NRXN1: variants seen among roughly 807,000 people sequenced by gnomAD.
NRXN1 encodes the protein neurexin 1.
NRXN1 carries 39 observed loss-of-function variants against 150.9 expected under a neutral mutation model. That is an observed-to-expected ratio of 0.26 (90% CI 0.20 to 0.34). The LOEUF is 0.34. Among genes scored for constraint, NRXN1 ranks in the 10% least tolerant of loss-of-function variants. The pLI, the probability that NRXN1 is intolerant of heterozygous loss-of-function variation, is 1.00. For synonymous variants in NRXN1, 924 were observed against 757.0 expected (o/e 1.22, Z -3.62); for missense variants, 1,815 against 1,949.9 (o/e 0.93, Z 1.30).
At chr2:50,529,224 C>T (rs114260905) in intron 11 of NRXN1, among the ~76,000 whole-genome samples, 1,834 of 152,250 alleles carry the variant, frequency 0.012, 21 homozygotes, top group Non-Finnish European at 0.019. Flanking sequence ...TGGCTGGATT[C>T]CATACCTTGC....
chr2:50,180,374 G>T (rs748251735), intron 18 of NRXN1, among the ~76,000 whole-genome samples: 2 of 152,018 alleles, frequency 1.3e-5, no homozygotes, highest in Non-Finnish European at 2.9e-5. Context: ...AATCCTTGAA[G>T]CAAAACTCTC....
chr2:50,977,172 T>C (rs976107869), intron 2 of NRXN1, among the ~76,000 whole-genome samples: 8 of 151,868 alleles, frequency 5.3e-5, no homozygotes, highest in African/African-American at 7.2e-5. Context: ...AAATACCACA[T>C]ATAAAAAGAA....
intron 17 of NRXN1, among the ~76,000 whole-genome samples, chr2:50,428,741 T>C (rs1417330378): frequency 6.6e-6 from 1 of 152,192 alleles, no homozygotes; most frequent in Non-Finnish European, 1.5e-5. Context: ...CGATAGACCT[T>C]GCTTTAGCAC....
intron 21 of NRXN1, chr2:49,974,276 G>A: frequency 1.7e-6 from 1 of 577,594 alleles, no homozygotes; most frequent in Admixed American, 2.4e-5. Context: ...CTGCAGTTCC[G>A]TCTGCAGTTG....
At chr2:50,154,271 G>A (rs1203463130) in intron 18 of NRXN1, among the ~76,000 whole-genome samples, 1 of 151,376 alleles carries the variant, frequency 6.6e-6, no homozygotes, top group Non-Finnish European at 1.5e-5. Flanking sequence ...ATACTGCTCG[G>A]GTGATGAGTG....
intron 5 of NRXN1, among the ~76,000 whole-genome samples, chr2:50,627,830 A>C (rs1347985975): frequency 6.6e-6 from 1 of 151,778 alleles, no homozygotes; most frequent in Non-Finnish European, 1.5e-5. Flanking sequence ...CAGAAGTGGG[A>C]CTAGGATTCA....
intron 13 of NRXN1, among the ~76,000 whole-genome samples, chr2:50,498,882 G>T (rs374718118): frequency 4.1e-4 from 62 of 152,232 alleles, no homozygotes; most frequent in African/African-American, 1.4e-3. Context: ...TGCCCGATTT[G>T]CCATAATTGG....
At chr2:50,287,050 G>T (rs1303984952) in intron 17 of NRXN1, among the ~76,000 whole-genome samples, 1 of 151,990 alleles carries the variant, frequency 6.6e-6, no homozygotes, top group African/African-American at 2.4e-5. Flanking sequence ...TAAACATCAT[G>T]ATCATCAATA....
chr2:51,027,072 A>G (rs1670608937), intron 2 of NRXN1, among the ~76,000 whole-genome samples: 1 of 152,196 alleles, frequency 6.6e-6, no homozygotes, highest in African/African-American at 2.4e-5. Flanking sequence ...CATCAAACAC[A>G]TGCCCAATCT....
chr2:49,946,251 A>G (rs980982642), intron 21 of NRXN1, among the ~76,000 whole-genome samples: 17 of 151,934 alleles, frequency 1.1e-4, no homozygotes, highest in Non-Finnish European at 1.8e-4. Flanking sequence ...TTTTCTTGTA[A>G]ATTTGTTTAA....
intron 18 of NRXN1, among the ~76,000 whole-genome samples, chr2:50,194,938 A>G: frequency 6.6e-6 from 1 of 152,180 alleles, no homozygotes; most frequent in African/African-American, 2.4e-5. Flanking sequence ...TGACAGAGTG[A>G]AAGGTATAAA....
chr2:50,947,109 T>C (rs983792586), intron 2 of NRXN1, among the ~76,000 whole-genome samples: 1 of 152,120 alleles, frequency 6.6e-6, no homozygotes, highest in African/African-American at 2.4e-5. Context: ...CAGAAATTTC[T>C]TACATGACAA....
intron 8 of NRXN1, among the ~76,000 whole-genome samples, chr2:50,615,192 T>C (rs7583819): frequency 0.23 from 34,287 of 152,046 alleles, 4,016 homozygotes; most frequent in Admixed American, 0.28. Flanking sequence ...CCCCTTAGCA[T>C]TTCACTCATT....
At chr2:49,930,252 G>A (rs902015676) in intron 22 of NRXN1, among the ~76,000 whole-genome samples, 11 of 151,992 alleles carry the variant, frequency 7.2e-5, no homozygotes, top group Admixed American at 1.3e-4. Flanking sequence ...AAAGATGAGC[G>A]TATTTAACCC....
intron 1 of NRXN1, among the ~76,000 whole-genome samples, chr2:51,030,457 C>G (rs1277452972): frequency 2.0e-5 from 3 of 151,784 alleles, no homozygotes. Context: ...CCACAGGTGT[C>G]AGCTGAGAGC....
chr2:50,973,730 C>A (rs902362362), intron 2 of NRXN1, among the ~76,000 whole-genome samples: 3 of 151,992 alleles, frequency 2.0e-5, no homozygotes, highest in African/African-American at 7.2e-5. Context: ...TGTATTCATT[C>A]CTAGTAGGTA....
At chr2:50,488,389 G>A (rs2091025721) in intron 15 of NRXN1, among the ~76,000 whole-genome samples, 1 of 152,182 alleles carries the variant, frequency 6.6e-6, no homozygotes, top group South Asian at 2.1e-4. Context: ...GATCAGGGGT[G>A]AAAAGCCAGG....
intron 2 of NRXN1, among the ~76,000 whole-genome samples, chr2:50,939,503 T>G (rs1256022781): frequency 6.6e-6 from 1 of 152,110 alleles, no homozygotes; most frequent in Admixed American, 6.6e-5. Flanking sequence ...TTGGATAGGA[T>G]GCAAATATTG....
intron 2 of NRXN1, among the ~76,000 whole-genome samples, chr2:50,929,015 A>G (rs1049733006): frequency 3.9e-5 from 6 of 152,058 alleles, no homozygotes; most frequent in Non-Finnish European, 7.4e-5. Flanking sequence ...CTTCTCTCAC[A>G]AAGATGGGAA....
Sources: allele counts gnomAD v4.1 joint callset (sites outside exome capture counted in the v4.1 genomes callset), GRCh38; gene constraint gnomAD v4.1.1; transcripts MANE v1.5; gene names NCBI Gene and HGNC (gene_info 2026-07-23, HGNC 2026-07-21).